The following DMD variants were observed in gnomAD, a reference collection of about 807,000 sequenced individuals.
DMD encodes dystrophin.
A neutral mutation model predicts 330.1 loss-of-function variants in DMD; 63 were observed. The observed-to-expected ratio is 0.19, with a 90% CI of 0.16 to 0.24. DMD has a LOEUF of 0.24. Ranked by LOEUF, DMD falls within the 10% of genes least tolerant of loss-of-function variation. The pLI is 1.00. For missense variants in DMD, 3,344 were observed against 2,684.1 expected, an observed-to-expected ratio of 1.25 and a Z score of -5.43; for synonymous variants, 1,223 against 959.8, an observed-to-expected ratio of 1.27 and a Z score of -5.07.
At chrX:32,924,733 C>G (rs13440770) in intron 2 of DMD, among the ~76,000 whole-genome samples, 1 of 110,890 alleles carries the variant, frequency 9.0e-6, no homozygotes, top group Non-Finnish European at 1.9e-5. Context: ...ATTACAAACT[C>G]TGATGAGTGG....
chrX:32,140,738 A>C (rs562051924), intron 44 of DMD, among the ~76,000 whole-genome samples: 44 of 111,086 alleles, frequency 4.0e-4, no homozygotes, highest in African/African-American at 1.4e-3. Context: ...AAGAGCAGAA[A>C]CCCCTGATAA....
At chrX:32,829,941 A>G (rs980522794) in intron 4 of DMD, among the ~76,000 whole-genome samples, 4 of 111,830 alleles carry the variant, frequency 3.6e-5, no homozygotes, top group African/African-American at 6.5e-5. Flanking sequence ...GTTAATAAAC[A>G]TTTCACACCA....
At chrX:31,148,102 G>A in intron 74 of DMD, among the ~76,000 whole-genome samples, 1 of 110,923 alleles carries the variant, frequency 9.0e-6, no homozygotes, top group Non-Finnish European at 1.9e-5. Flanking sequence ...TCTCCTCCCC[G>A]CTGCCCTCAA....
chrX:31,522,058 C>T (rs1165785108), intron 55 of DMD, among the ~76,000 whole-genome samples: 2 of 110,538 alleles, frequency 1.8e-5, no homozygotes, highest in Admixed American at 9.7e-5. Flanking sequence ...AACTGGAACA[C>T]AGCCCTGTGG....
At chrX:33,034,770 A>G (rs766740143) in intron 1 of DMD, among the ~76,000 whole-genome samples, 1 of 112,123 alleles carries the variant, frequency 8.9e-6, no homozygotes, top group African/African-American at 3.2e-5. Context: ...TTTGCCGCTT[A>G]CTGGCTGAGT....
At chrX:32,616,702 TTTTTTTTTTTTTTCTTTA>T (rs1186862930) in intron 11 of DMD, among the ~76,000 whole-genome samples, 3 of 86,379 alleles carry the variant, frequency 3.5e-5, no homozygotes, top group African/African-American at 1.9e-4. Context: ...TTTTTTTTTT[TTTTTTTTTTTTTTCTTTA>T]AAGAATGTTA....
chrX:31,742,644 T>G (rs113480579), intron 51 of DMD, among the ~76,000 whole-genome samples: 3 of 111,896 alleles, frequency 2.7e-5, no homozygotes, highest in Non-Finnish European at 5.6e-5. Flanking sequence ...GTTAGCCATA[T>G]GCAGAAGAAT....
intron 7 of DMD, among the ~76,000 whole-genome samples, chrX:32,783,307 CAT>C (rs1481461837): frequency 1.0e-5 from 1 of 96,782 alleles, no homozygotes; most frequent in South Asian, 4.3e-4. Flanking sequence ...TATATGTACA[CAT>C]ATATGGTATA....
At chrX:31,408,277 A>G (rs2061490128) in intron 60 of DMD, among the ~76,000 whole-genome samples, 1 of 112,459 alleles carries the variant, frequency 8.9e-6, no homozygotes, top group South Asian at 3.7e-4. Flanking sequence ...CATGTTATCC[A>G]CTTAGTAACC....
chrX:32,194,498 A>C (rs77768971), intron 44 of DMD, among the ~76,000 whole-genome samples: 3,974 of 111,944 alleles, frequency 0.035, 116 homozygotes, highest in East Asian at 0.24. Flanking sequence ...TCATTCATTC[A>C]TATGGTTGCT....
intron 60 of DMD, among the ~76,000 whole-genome samples, chrX:31,361,413 G>C: frequency 9.0e-6 from 1 of 111,444 alleles, no homozygotes; most frequent in Non-Finnish European, 1.9e-5. Context: ...AGAACCTTGT[G>C]TCTTGCTGGG....
At chrX:32,088,719 A>T (rs2096456740) in intron 44 of DMD, among the ~76,000 whole-genome samples, 1 of 106,669 alleles carries the variant, frequency 9.4e-6, no homozygotes. Flanking sequence ...TGAAAACAGA[A>T]GTTCCATAAT....
chrX:32,456,618 A>ATGTG (rs776009074), intron 25 of DMD, among the ~76,000 whole-genome samples: 6 of 69,384 alleles, frequency 8.6e-5, no homozygotes, highest in Non-Finnish European at 1.4e-4. Flanking sequence ...GTGTGTGTGT[A>ATGTG]TGTGTGTGTG....
intron 3 of DMD, among the ~76,000 whole-genome samples, chrX:32,846,924 T>C (rs915014244): frequency 1.8e-5 from 2 of 109,098 alleles, no homozygotes; most frequent in African/African-American, 6.7e-5. Flanking sequence ...GGAAAATTGC[T>C]TGAACCCAGG....
chrX:31,794,385 C>T (rs2091723653), intron 50 of DMD, among the ~76,000 whole-genome samples: 1 of 111,447 alleles, frequency 9.0e-6, no homozygotes, highest in Non-Finnish European at 1.9e-5. Context: ...TAGCTGTTTG[C>T]CAGTGTAAAA....
At chrX:33,284,766 C>T (rs1467612438) in intron 1 of DMD, among the ~76,000 whole-genome samples, 10 of 57,631 alleles carry the variant, frequency 1.7e-4, no homozygotes, top group Non-Finnish European at 2.5e-4. Context: ...TAATTTAGAG[C>T]GTAGCACATA....
chrX:31,819,468 A>G (rs1420712070), intron 50 of DMD, among the ~76,000 whole-genome samples: 1 of 106,012 alleles, frequency 9.4e-6, no homozygotes, highest in Non-Finnish European at 2.0e-5. Context: ...CCTGGATGCT[A>G]GGAATATTGG....
Position 32,406,889 on chromosome X carries a change from T to G in DMD, c.4233+4863A>C, listed in dbSNP as rs1258044410. Among the ~76,000 whole-genome samples, 3 of 111,122 alleles carry G rather than the reference T, an allele frequency of 2.7e-5. No homozygotes were observed. The East Asian group carries it at 8.5e-4, about 31-fold the overall frequency. ...AGAAATGGGGAAACGATTCCCTATT[T>G]AATAAATGGTGCTGGGAAAACTGGC... is the stretch of plus-strand genomic sequence containing the variant. On this transcript the variant is annotated intron_variant, in intron 30 of 78. Transcript: ENST00000357033.
At chrX:31,368,474 C>G in intron 60 of DMD, among the ~76,000 whole-genome samples, 1 of 111,698 alleles carries the variant, frequency 9.0e-6, no homozygotes, top group Non-Finnish European at 1.9e-5. Context: ...GGAGCAGGAG[C>G]AGGTATACAC....
Sources: gnomAD v4.1 joint callset for allele counts (sites outside exome capture counted in the v4.1 genomes callset) on GRCh38, gnomAD v4.1.1 for gene constraint, MANE v1.5 for transcripts, NCBI Gene and HGNC (gene_info 2026-07-23, HGNC 2026-07-21) for gene names.